FARP1: variants seen among roughly 807,000 people sequenced by gnomAD.
The protein encoded by FARP1 is FERM, ARHGEF and pleckstrin domain-containing protein 1.
In FARP1, 52 loss-of-function variants were observed where a neutral mutation model predicts 128.8. The ratio of observed to expected loss-of-function variants is 0.40; its 90% CI spans 0.32 to 0.51. FARP1 has a LOEUF of 0.51. Ranked by LOEUF, FARP1 falls within the 20% of genes least tolerant of loss-of-function variation. FARP1 has a pLI of 0.45. For missense variants in FARP1, 1,333 were observed against 1,367.9 expected (o/e 0.97, Z 0.40); for synonymous variants, 580 against 551.8 (o/e 1.05, Z -0.72).
intron 24 of FARP1, among the ~76,000 whole-genome samples, chr13:98,443,257 C>T (rs566415558): frequency 1.3e-5 from 2 of 152,320 alleles, no homozygotes; most frequent in African/African-American, 4.8e-5. Flanking sequence ...TAGTAGAGAG[C>T]AGGAGAGTGA....
intron 2 of FARP1, among the ~76,000 whole-genome samples, chr13:98,306,708 G>T (rs533713242): frequency 6.6e-6 from 1 of 151,214 alleles, no homozygotes; most frequent in Non-Finnish European, 1.5e-5. Flanking sequence ...ATTTTTTGTC[G>T]AGATGAGGTC....
At chr13:98,370,905 C>T (rs11618645) in intron 5 of FARP1, among the ~76,000 whole-genome samples, 65,432 of 151,960 alleles carry the variant, frequency 0.43, 16,030 homozygotes, top group Non-Finnish European at 0.58. Flanking sequence ...GAGCTACCTG[C>T]ATAGGAGGGA....
intron 1 of FARP1, among the ~76,000 whole-genome samples, chr13:98,167,405 C>CTTTT (rs11388623): frequency 1.5e-5 from 2 of 129,778 alleles, no homozygotes; most frequent in Admixed American, 8.2e-5. Flanking sequence ...AACAGTTTTA[C>CTTTT]TTTTTTTTTT....
intron 2 of FARP1, among the ~76,000 whole-genome samples, chr13:98,266,534 A>G (rs1473552949): frequency 6.6e-6 from 1 of 152,174 alleles, no homozygotes; most frequent in Admixed American, 6.5e-5. Flanking sequence ...GAACTAGCTT[A>G]CTTACTTGCT....
intron 3 of FARP1, among the ~76,000 whole-genome samples, chr13:98,355,941 A>G (rs779799740): frequency 6.6e-6 from 1 of 152,164 alleles, no homozygotes; most frequent in Non-Finnish European, 1.5e-5. Flanking sequence ...TTATTATTGA[A>G]TTCCATAGTG....
chr13:98,267,693 T>A (rs149561169), intron 2 of FARP1, among the ~76,000 whole-genome samples: 249 of 152,370 alleles, frequency 1.6e-3, no homozygotes, highest in African/African-American at 5.7e-3. Context: ...AGACAGTGTA[T>A]GTCCCCTCAC....
intron 12 of FARP1, among the ~76,000 whole-genome samples, 195 bp downstream of exon 12, chr13:98,393,913 C>A (rs1376784111): frequency 2.0e-5 from 3 of 152,140 alleles, no homozygotes; most frequent in African/African-American, 7.2e-5. Context: ...GGCTCAGAGG[C>A]CGTGGAGTGT....
At chr13:98,255,512 A>G (rs1295295972) in intron 2 of FARP1, among the ~76,000 whole-genome samples, 3 of 151,960 alleles carry the variant, frequency 2.0e-5, no homozygotes, top group African/African-American at 7.3e-5. Flanking sequence ...AAAAAAAAAC[A>G]AAAACAAAAA....
chr13:98,340,285 T>C (rs1887911957), intron 2 of FARP1, among the ~76,000 whole-genome samples: 1 of 152,202 alleles, frequency 6.6e-6, no homozygotes, highest in Admixed American at 6.5e-5. Context: ...AAGAAGGTTC[T>C]GAAACTGGAA....
chr13:98,277,691 T>A (rs1318107711), intron 2 of FARP1, among the ~76,000 whole-genome samples: 1 of 152,118 alleles, frequency 6.6e-6, no homozygotes, highest in Non-Finnish European at 1.5e-5. Context: ...TGAGTCTCAG[T>A]TCCCTGGGCT....
At chr13:98,327,509 A>C (rs994235069) in intron 2 of FARP1, among the ~76,000 whole-genome samples, 1 of 152,254 alleles carries the variant, frequency 6.6e-6, no homozygotes, top group Non-Finnish European at 1.5e-5. Context: ...AGTGTGAGTT[A>C]ACAATGGAAT....
intron 2 of FARP1, among the ~76,000 whole-genome samples, chr13:98,316,002 A>G (rs995332201): frequency 2.6e-5 from 4 of 152,162 alleles, no homozygotes; most frequent in African/African-American, 9.6e-5. Context: ...AGTGACACTG[A>G]AGTGCGGCTT....
At chr13:98,360,302 G>T (rs1389662405) in intron 3 of FARP1, among the ~76,000 whole-genome samples, 1 of 152,110 alleles carries the variant, frequency 6.6e-6, no homozygotes, top group Non-Finnish European at 1.5e-5. Flanking sequence ...CGCCATGTTG[G>T]CCAGGCTGGT....
At chr13:98,402,494 T>C (rs1890817635) in intron 13 of FARP1, 1 of 152,138 alleles carries the variant, frequency 6.6e-6, no homozygotes. Flanking sequence ...TGGTGACCAG[T>C]CTGTTATTAC....
intron 15 of FARP1, among the ~76,000 whole-genome samples, chr13:98,411,193 T>C (rs1443732331): frequency 3.3e-5 from 5 of 152,242 alleles, no homozygotes; most frequent in Non-Finnish European, 7.3e-5. Context: ...TCATTTTATC[T>C]TTGATAATAA....
At chr13:98,220,828 T>C (rs1241525413) in intron 2 of FARP1, among the ~76,000 whole-genome samples, 1 of 152,054 alleles carries the variant, frequency 6.6e-6, no homozygotes, top group Non-Finnish European at 1.5e-5. Context: ...ATGCTTGCAG[T>C]AATTCTTTAA....
intron 1 of FARP1, among the ~76,000 whole-genome samples, chr13:98,151,581 G>A (rs193046768): frequency 1.0e-3 from 151 of 151,266 alleles, no homozygotes; most frequent in Middle Eastern, 3.4e-3. Context: ...TTAGAGTAAG[G>A]AAGGCACAGG....
At chr13:98,394,854 G>C (rs1271484461) in intron 12 of FARP1, among the ~76,000 whole-genome samples, 2 of 152,196 alleles carry the variant, frequency 1.3e-5, no homozygotes, top group Non-Finnish European at 2.9e-5. Flanking sequence ...GAGCCCAAGA[G>C]GTCGAGGCCG....
At chr13:98,334,509 T>C (rs1044584016) in intron 2 of FARP1, among the ~76,000 whole-genome samples, 1 of 152,208 alleles carries the variant, frequency 6.6e-6, no homozygotes, top group African/African-American at 2.4e-5. Context: ...TGCTAGGTAC[T>C]TTATGGTCAT....
Sources: gnomAD v4.1 joint callset for allele counts (sites outside exome capture counted in the v4.1 genomes callset) on GRCh38, gnomAD v4.1.1 for gene constraint, MANE v1.5 for transcripts, NCBI Gene and HGNC (gene_info 2026-07-23, HGNC 2026-07-21) for gene names.